PARD3B: variants seen among roughly 807,000 people sequenced by gnomAD.
PARD3B encodes the protein partitioning defective 3 homolog B.
In PARD3B, 103 loss-of-function variants were observed where a neutral mutation model predicts 130.2. That is an observed-to-expected ratio of 0.79 (90% CI 0.67 to 0.93). The LOEUF (loss-of-function observed/expected upper bound fraction) is 0.93. Among genes scored for constraint, PARD3B ranks in the 40% least tolerant of loss-of-function variants. The pLI is 0.00. For missense variants in PARD3B, 1,609 were observed against 1,499.2 expected (o/e 1.07, Z -1.21); for synonymous variants, 583 against 553.2 (o/e 1.05, Z -0.76).
At chr2:205,538,189 G>A (rs1254421071) in intron 21 of PARD3B, among the ~76,000 whole-genome samples, 2 of 152,128 alleles carry the variant, frequency 1.3e-5, no homozygotes, top group African/African-American at 4.8e-5. Context: ...AACAGTCTAG[G>A]TAAGTATTAT....
intron 15 of PARD3B, among the ~76,000 whole-genome samples, chr2:205,231,022 G>A (rs1489574673): frequency 6.6e-6 from 1 of 152,138 alleles, no homozygotes; most frequent in East Asian, 1.9e-4. Flanking sequence ...GAGGACGTGG[G>A]AGTGGTGGTG....
chr2:205,284,751 C>A (rs578097516), intron 16 of PARD3B, among the ~76,000 whole-genome samples: 1 of 152,094 alleles, frequency 6.6e-6, no homozygotes, highest in African/African-American at 2.4e-5. Context: ...TTTTTACATG[C>A]CATGCAGGAT....
rs182997090 is a variant in PARD3B at position 204,668,378 on chromosome 2, A to T, written c.121-17803A>T. Among the ~76,000 whole-genome samples, 100 of 152,204 alleles carry T rather than the reference A, an allele frequency of 6.6e-4. 1 individual carries two copies. Among genetic ancestry groups the T allele is most frequent in the Middle Eastern group, 3.4e-3 (1 of 294 alleles). On this transcript the variant is annotated intron_variant, in intron 1 of 22. Transcript: ENST00000406610. ...AGTTTACGTTTCATTTCAATTCTAG[A>T]TTTTCCATCTCTGTTTCATACCTCT...
intron 2 of PARD3B, among the ~76,000 whole-genome samples, chr2:204,918,014 A>G (rs560319460): frequency 7.4e-4 from 112 of 152,346 alleles, no homozygotes; most frequent in African/African-American, 2.5e-3. Context: ...TAAAGTTTAC[A>G]AAATTAAGAA....
chr2:205,492,978 T>C (rs1307246235), intron 20 of PARD3B, among the ~76,000 whole-genome samples: 3 of 152,130 alleles, frequency 2.0e-5, no homozygotes, highest in African/African-American at 7.2e-5. Context: ...CAAGAGTCTC[T>C]CAAAGTTTTA....
intron 4 of PARD3B, among the ~76,000 whole-genome samples, chr2:205,059,786 T>A (rs1290717880): frequency 1.3e-5 from 2 of 152,074 alleles, no homozygotes; most frequent in African/African-American, 4.8e-5. Context: ...AATTTCAGCT[T>A]TAATAGCGTT....
chr2:205,323,306 A>G (rs1453744773), intron 18 of PARD3B, among the ~76,000 whole-genome samples: 2 of 152,170 alleles, frequency 1.3e-5, no homozygotes, highest in African/African-American at 2.4e-5. Context: ...GCTTAACTGT[A>G]TGCTATCAGG....
intron 22 of PARD3B, among the ~76,000 whole-genome samples, chr2:205,594,575 G>A (rs1328768075): frequency 6.6e-6 from 1 of 152,156 alleles, no homozygotes; most frequent in Non-Finnish European, 1.5e-5. Context: ...GCCTAAAGAG[G>A]ACAAAGTCCC....
intron 2 of PARD3B, among the ~76,000 whole-genome samples, chr2:204,739,300 T>A (rs531490242): frequency 4.0e-4 from 61 of 152,312 alleles, no homozygotes; most frequent in Non-Finnish European, 7.6e-4. Flanking sequence ...GTTGGTTCAC[T>A]CAGCCTTTCC....
intron 10 of PARD3B, among the ~76,000 whole-genome samples, chr2:205,136,759 A>G (rs1051591103): frequency 2.6e-5 from 4 of 152,214 alleles, no homozygotes; most frequent in Non-Finnish European, 4.4e-5. Flanking sequence ...CTTTCACTCC[A>G]TCTCTCTGAA....
At chr2:205,577,008 T>C (rs929721764) in intron 22 of PARD3B, among the ~76,000 whole-genome samples, 7 of 152,164 alleles carry the variant, frequency 4.6e-5, no homozygotes, top group Admixed American at 2.0e-4. Flanking sequence ...GTTATAAATA[T>C]TTTGTTAGCT....
At chr2:204,981,673 A>G (rs534922955) in intron 3 of PARD3B, among the ~76,000 whole-genome samples, 1 of 152,362 alleles carries the variant, frequency 6.6e-6, no homozygotes, top group East Asian at 1.9e-4. Context: ...TTTAGTTTAT[A>G]CACTAGTGTG....
intron 16 of PARD3B, among the ~76,000 whole-genome samples, chr2:205,252,271 A>G (rs1171269645): frequency 2.0e-5 from 3 of 152,204 alleles, no homozygotes; most frequent in African/African-American, 7.2e-5. Flanking sequence ...ATGTTTATTA[A>G]ATGCCCACTC....
chr2:205,298,728 A>G (rs1267431329), intron 16 of PARD3B, among the ~76,000 whole-genome samples: 1 of 152,228 alleles, frequency 6.6e-6, no homozygotes, highest in Non-Finnish European at 1.5e-5. Flanking sequence ...ACGAGGCTCC[A>G]GGGTTAATCT....
intron 21 of PARD3B, among the ~76,000 whole-genome samples, chr2:205,519,842 T>A (rs6729676): frequency 0.39 from 59,478 of 151,996 alleles, 12,159 homozygotes; most frequent in Admixed American, 0.49. Flanking sequence ...GAGGTGGGTA[T>A]GTTAGCAGGG....
rs148252567 is a variant in PARD3B, at chr2:204,913,960, T to C, written c.223-51192T>C. Among the ~76,000 whole-genome samples the C allele has an allele frequency of 5.5e-3, 831 of 152,340 alleles. 9 individuals are homozygous for C. Among genetic ancestry groups the C allele is most frequent in the African/African-American group, 0.018 (753 of 41,586 alleles). ...CACTACTGGAAAGTTTGGAAATGTC[T>C]GTGCTGGCTTAGCTTTTGCGTGTGT... On this transcript the variant is annotated intron_variant, in intron 2 of 22. Transcript: ENST00000406610.
At chr2:205,515,188 G>C (rs906940581) in intron 21 of PARD3B, among the ~76,000 whole-genome samples, 1 of 150,794 alleles carries the variant, frequency 6.6e-6, no homozygotes, top group African/African-American at 2.4e-5. Flanking sequence ...TCTTTTTTAC[G>C]GCTGCATAGT....
chr2:204,716,160 G>A (rs547849831), intron 2 of PARD3B, among the ~76,000 whole-genome samples: 4 of 152,160 alleles, frequency 2.6e-5, no homozygotes, highest in Non-Finnish European at 4.4e-5. Flanking sequence ...TCAAGATATT[G>A]AGCTCTTTAC....
chr2:204,660,718 C>CA (rs2035779198), intron 1 of PARD3B, among the ~76,000 whole-genome samples: 1 of 152,126 alleles, frequency 6.6e-6, no homozygotes, highest in South Asian at 2.1e-4. Flanking sequence ...TTTATCCCCC[C>CA]TCTGTGAAAT....
Sources: gnomAD v4.1 joint callset for allele counts (sites outside exome capture counted in the v4.1 genomes callset) on GRCh38, gnomAD v4.1.1 for gene constraint, MANE v1.5 for transcripts, NCBI Gene and HGNC (gene_info 2026-07-23, HGNC 2026-07-21) for gene names.